ERFL: variants seen among roughly 807,000 people sequenced by gnomAD.
ERFL encodes ETS repressor factor like, also known as ETS domain-containing transcription factor ERF-like.
ERFL carries 8 observed loss-of-function variants against 27.9 expected under a neutral mutation model. The ratio of observed to expected loss-of-function variants is 0.29; its 90% CI spans 0.17 to 0.52. The LOEUF is 0.52. Among genes scored for constraint, ERFL ranks in the 20% least tolerant of loss-of-function variants. ERFL has a pLI of 0.97. For synonymous variants in ERFL, 174 were observed against 202.8 expected (o/e 0.86, Z 1.21); for missense variants, 294 against 444.4 (o/e 0.66, Z 3.04).
rs546497637 is a variant in ERFL, at chr19:41,913,052, C to A, written c.-13-120G>T. 122 of 410,406 alleles carry A rather than the reference C, an allele frequency of 3.0e-4. No individual in the cohort carries two copies. The Middle Eastern group carries it at 3.1e-3, about 10-fold the overall frequency. 25.4% of individuals were successfully genotyped at this position (410,406 alleles called of 1,614,324 possible). ...CCAGGTCCCCACCCCAGCCTGACAC[C>A]CTCTCCCCGCAATCCCTCCTGCCCA... On this transcript the variant is annotated intron_variant, in intron 1 of 5. Transcript: ENST00000597630.
At chr19:41,911,882 TGACA>T (rs1298716077) in intron 2 of ERFL, among the ~76,000 whole-genome samples, 2 of 151,300 alleles carry the variant, frequency 1.3e-5, no homozygotes, top group African/African-American at 2.4e-5. Flanking sequence ...CACACACATG[TGACA>T]GACAAACCCC....
In ERFL at chr19:41,921,152, C is replaced by T. The variant is rs986997493; in HGVS notation, c.-14+6888G>A. ...GGGAGAGGGAGGGTGGAGGCGCCAC[C>T]GTGAGGCGAGGCGGAGGGAGGTCTG... On this transcript the variant is annotated intron_variant, in intron 1 of 5. Transcript: ENST00000597630. The surrounding 1 kb of genome is among the most constrained non-coding windows in gnomAD (Gnocchi z 4.4). Among the ~76,000 whole-genome samples, 20 of 152,226 alleles carry T rather than the reference C, an allele frequency of 1.3e-4. No homozygotes were observed. Among genetic ancestry groups the T allele is most frequent in the South Asian group, 6.2e-4 (3 of 4,820 alleles).
Position 41,910,638 on chromosome 19 carries a change from TGTATTTGTACCTTTCCC to T in ERFL, c.68-558_68-542del, listed in dbSNP as rs2074746547. 6.6e-6 allele frequency among the ~76,000 whole-genome samples: 1 copy of T among 152,174 alleles called. No homozygotes were observed. The highest frequency in any genetic ancestry group is 1.5e-5 in the Non-Finnish European group (1 of 68,038). ...CTCTGTGCATGTCTGTACCTGCCTG[TGTATTTGTACCTTTCCC>T]GTCCCTGTGTCCCCTCCACCCCATA... On this transcript the variant is annotated intron_variant, in intron 2 of 5. Coordinates refer to ENST00000597630, the MANE Select transcript of ERFL (RefSeq NM_001365103.2). This position sits in a 1 kb window ranked among gnomAD's most constrained non-coding sequence, Gnocchi z 4.4.
Position 41,916,015 on chromosome 19 carries a change from A to AC in ERFL, c.-13-3084dup, listed in dbSNP as rs1337064348. ...TTTTTAATTTTATTTTGCTTCCTCC[A>AC]CCCCCCCTTCGCCCCCCATCTCTAC... On this transcript the variant is annotated intron_variant, in intron 1 of 5. Transcript: ENST00000597630. The surrounding 1 kb of genome is among the most constrained non-coding windows in gnomAD (Gnocchi z 5.4). Among the ~76,000 whole-genome samples, 22 of 136,530 alleles carry AC rather than the reference A, an allele frequency of 1.6e-4. No homozygotes were observed. The highest frequency in any genetic ancestry group is 1.4e-3 in the East Asian group (6 of 4,428). The allele number at this position is 136,530 out of a possible 152,430, so 89.6% of individuals were successfully genotyped here.
In ERFL at chr19:41,910,048, C is replaced by G. The variant is rs1458573601; in HGVS notation, c.117G>C (p.Ser39=). The change falls in exon 3 of 6, where the codon TCG becomes TCC. Residue 39 remains serine (S), a synonymous_variant. Transcript: ENST00000597630. This position sits in a 1 kb window ranked among gnomAD's most constrained non-coding sequence, Gnocchi z 4.4. The part of the protein sequence containing the change: ...WAYKPESSPG[S]RQIQLWHFIL... ...TAAAGTGCCACAGCTGGATCTGCCT[C>G]GAGCCAGGGGATGACTCTGGCTTGT... 1.2e-6 allele frequency: 2 copies of G among 1,613,500 alleles called. No homozygotes were observed. Among genetic ancestry groups the G allele is most frequent in the South Asian group, 2.2e-5 (2 of 91,046 alleles).
intron 2 of ERFL, among the ~76,000 whole-genome samples, chr19:41,912,204 G>A (rs781935198): frequency 1.3e-5 from 2 of 152,218 alleles, no homozygotes; most frequent in Non-Finnish European, 2.9e-5. Context: ...GACAGGCTGT[G>A]CAGACACATT....
chr19:41,912,806 A>G lies in ERFL; in HGVS notation c.67+47T>C, dbSNP rs2074761297. 7.5e-6 allele frequency: 5 copies of G among 667,600 alleles called. No individual in the cohort carries two copies. In the South Asian group the frequency reaches 3.8e-4, roughly 51 times the overall value. The allele number at this position is 667,600 out of a possible 1,614,324, so 41.4% of individuals were successfully genotyped here. ...AGAAGGGGGATGCGGCTCACTGGGG[A>G]AGCCTGAGGGGTGGGGGAAGGGGTG... On this transcript the variant is annotated intron_variant, in intron 2 of 5. Coordinates refer to ENST00000597630, the MANE Select transcript of ERFL (RefSeq NM_001365103.2).
chr19:41,909,360 TGCC>T lies in ERFL; in HGVS notation c.411_413del (p.Ala140del), dbSNP rs2074739871. On this transcript the variant is annotated inframe_deletion, in exon 4 of 6. Coordinates refer to ENST00000597630, the MANE Select transcript of ERFL (RefSeq NM_001365103.2). This position sits in a 1 kb window ranked among gnomAD's most constrained non-coding sequence, Gnocchi z 5.2. ...GCAAGAGTGGGGAGCCAGTGGCAGC[TGCC>T]GCCATGTCCAGCAGCGGGTAATTGA... The T allele has an allele frequency of 3.2e-6, 4 of 1,235,922 alleles. No individual in the cohort carries two copies. The East Asian group carries it at 9.5e-5, about 29-fold the overall frequency. 76.6% of individuals were successfully genotyped at this position (1,235,922 alleles called of 1,614,324 possible). A position where few individuals can be genotyped will look rare whatever the true frequency, so the allele number is the denominator to read the frequency against.
Position 41,908,180 on chromosome 19 carries a change from C to T in ERFL, c.*48G>A. 5.7e-6 allele frequency: 7 copies of T among 1,225,640 alleles called. No homozygotes were observed. The highest frequency in any genetic ancestry group is 6.1e-6 in the Non-Finnish European group (6 of 982,494). 75.9% of individuals were successfully genotyped at this position (1,225,640 alleles called of 1,614,324 possible). On this transcript the variant is annotated 3_prime_UTR_variant, in exon 6 of 6. Transcript: ENST00000597630. The surrounding 1 kb of genome is among the most constrained non-coding windows in gnomAD (Gnocchi z 6.7). ...GGGCCAGGCATCAAGGGCAGACGGG[C>T]AGCCACCCTGGTCCCTGCCTCAGCA...
rs771784890 is a variant in ERFL at position 41,908,782 on chromosome 19, T to C, written c.617-106A>G. ...CCACCCCATCTCCCCGCATCCCTCCTACATGGCATCTTACCCCCTCATACA... is the reference window on the plus strand; with the variant it reads ...CCACCCCATCTCCCCGCATCCCTCCCACATGGCATCTTACCCCCTCATACA... On this transcript the variant is annotated intron_variant, in intron 5 of 5. Transcript: ENST00000597630. This position sits in a 1 kb window ranked among gnomAD's most constrained non-coding sequence, Gnocchi z 6.7. 2 of 557,290 alleles carry C rather than the reference T, an allele frequency of 3.6e-6. No individual in the cohort carries two copies. Among genetic ancestry groups the C allele is most frequent in the African/African-American group, 2.0e-5 (1 of 50,956 alleles). The allele number at this position is 557,290 out of a possible 1,614,324, so 34.5% of individuals were successfully genotyped here. A position where few individuals can be genotyped will look rare whatever the true frequency, so the allele number is the denominator to read the frequency against.
At chr19:41,913,336 A>C in intron 1 of ERFL, among the ~76,000 whole-genome samples, 1 of 135,672 alleles carries the variant, frequency 7.4e-6, no homozygotes, top group Non-Finnish European at 1.6e-5. Context: ...CTCCCGCCTG[A>C]CCTCCCGGGT....
rs531710124 is a variant in ERFL at position 41,917,683 on chromosome 19, C to T, written c.-13-4751G>A. On this transcript the variant is annotated intron_variant, in intron 1 of 5. Coordinates refer to ENST00000597630, the MANE Select transcript of ERFL (RefSeq NM_001365103.2). This position sits in a 1 kb window ranked among gnomAD's most constrained non-coding sequence, Gnocchi z 4.8. ...ACACACACACCCTGACTGCACCCAC[C>T]CATGGCCACACGTTCAGGCACAATC... Among the ~76,000 whole-genome samples the T allele has an allele frequency of 6.6e-6, 1 of 152,020 alleles. No homozygotes were observed. The highest frequency in any genetic ancestry group is 1.9e-4 in the East Asian group (1 of 5,168).
rs2074823602 is a variant in ERFL, at chr19:41,919,313, A to C, written c.-13-6381T>G. On this transcript the variant is annotated intron_variant, in intron 1 of 5. Coordinates refer to ENST00000597630, the MANE Select transcript of ERFL (RefSeq NM_001365103.2). The stretch of plus-strand genomic sequence containing the variant: ...CACACAGACTTCGGCACAAGTTCAC[A>C]GAAGTTGCAGACACATGCGCCATCC... Among the ~76,000 whole-genome samples, 6 of 152,312 alleles carry C rather than the reference A, an allele frequency of 3.9e-5. No individual in the cohort carries two copies. The South Asian group carries it at 1.2e-3, about 32-fold the overall frequency.
At chr19:41,914,503 C>T (rs1049712367) in intron 1 of ERFL, among the ~76,000 whole-genome samples, 1 of 151,798 alleles carries the variant, frequency 6.6e-6, no homozygotes, top group Non-Finnish European at 1.5e-5. Context: ...GTGTGTCCAT[C>T]TCTGTCTCCC....
At position 41,907,842 on chromosome 19, in the gene ERFL, G is replaced by T. The variant is rs2074725543; in HGVS notation, c.*386C>A. On this transcript the variant is annotated 3_prime_UTR_variant, in exon 6 of 6. Coordinates refer to ENST00000597630, the MANE Select transcript of ERFL (RefSeq NM_001365103.2). ...ATTGCTCTGAGCTCCCTGTCCCCAG[G>T]GGGGCCTATATGGGGGGGGTGTCAG... 5.4e-6 allele frequency: 1 copy of T among 184,558 alleles called. No individual in the cohort carries two copies. Among genetic ancestry groups the T allele is most frequent in the Non-Finnish European group, 9.7e-6 (1 of 102,898 alleles). The allele number at this position is 184,558 out of a possible 1,614,324, so 11.4% of individuals were successfully genotyped here.
chr19:41,912,578 G>A (rs2074759395), intron 2 of ERFL, among the ~76,000 whole-genome samples: 1 of 152,184 alleles, frequency 6.6e-6, no homozygotes, highest in South Asian at 2.1e-4. Context: ...GGATGCCCGG[G>A]CCTCGGGCCC....
intron 1 of ERFL, 73 bp from the exon 2 acceptor site, chr19:41,913,005 C>T (rs2145885925): frequency 1.6e-6 from 1 of 632,740 alleles, no homozygotes; most frequent in South Asian, 8.0e-5. Context: ...CAGCGGGGCG[C>T]TGCCCGGGGC....
chr19:41,909,543 G>A lies in ERFL; in HGVS notation c.303-72C>T, dbSNP rs782081039. ...GGCGGGATCTGGGGTTTCTTAATGC[G>A]TGTGCTGTCCCAGGCATGGTGCACA... On this transcript the variant is annotated intron_variant, in intron 3 of 5. Transcript: ENST00000597630. This position sits in a 1 kb window ranked among gnomAD's most constrained non-coding sequence, Gnocchi z 5.2. 7.9e-5 allele frequency: 86 copies of A among 1,094,032 alleles called. No homozygotes were observed. Among genetic ancestry groups the A allele is most frequent in the East Asian group, 1.3e-4 (4 of 31,502 alleles). 67.8% of individuals were successfully genotyped at this position (1,094,032 alleles called of 1,614,324 possible). A position where few individuals can be genotyped will look rare whatever the true frequency, so the allele number is the denominator to read the frequency against.
rs1406537280 is a variant in ERFL at position 41,916,629 on chromosome 19, GAC to G, written c.-13-3699_-13-3698del. Among the ~76,000 whole-genome samples the G allele has an allele frequency of 6.6e-6, 1 of 151,936 alleles. No homozygotes were observed. The highest frequency in any genetic ancestry group is 2.4e-5 in the African/African-American group (1 of 41,346). On this transcript the variant is annotated intron_variant, in intron 1 of 5. Transcript: ENST00000597630. This position sits in a 1 kb window ranked among gnomAD's most constrained non-coding sequence, Gnocchi z 5.4. ...TCCCAAGCACACAATCGCACACTGA[GAC>G]AACAGCACACAGAAACAGACACACA... is the stretch of plus-strand genomic sequence containing the variant.
Sources: gnomAD v4.1 joint callset for allele counts (sites outside exome capture counted in the v4.1 genomes callset) on GRCh38, gnomAD v4.1.1 for gene constraint, Gnocchi (gnomAD v3.1) non-coding constraint, MANE v1.5 for transcripts, NCBI Gene and HGNC (gene_info 2026-07-23, HGNC 2026-07-21) for gene names.